The following COL6A5 variants were observed in gnomAD, a reference collection of about 807,000 sequenced individuals.
COL6A5 encodes collagen alpha-5(VI) chain.
Under a neutral mutation model 65.6 loss-of-function variants are expected in COL6A5, and 48 were observed. The ratio of observed to expected loss-of-function variants is 0.73; its 90% CI spans 0.58 to 0.93. COL6A5 has a LOEUF of 0.93. COL6A5 is among the 40% of genes least tolerant of loss of function. The probability of loss-of-function intolerance (pLI) is 0.00; values close to 1 mark genes in which losing one functional copy is unlikely to be tolerated. For synonymous variants in COL6A5, 291 were observed against 322.8 expected, an observed-to-expected ratio of 0.90 and a Z score of 1.05; for missense variants, 914 against 928.3, an observed-to-expected ratio of 0.98 and a Z score of 0.20.
intron 1 of COL6A5, among the ~76,000 whole-genome samples, chr3:130,351,201 A>G (rs1934691735): frequency 6.6e-6 from 1 of 152,268 alleles, no homozygotes. Context: ...ACCTGAAACC[A>G]TAAGATCCCT....
intron 1 of COL6A5, among the ~76,000 whole-genome samples, chr3:130,359,990 TTA>T (rs1469127869): frequency 2.0e-5 from 3 of 152,078 alleles, no homozygotes; most frequent in African/African-American, 7.2e-5. Context: ...TGACCGTTTG[TTA>T]TGGGGGAATG....
chr3:130,390,828 T>C (rs1275915799), intron 6 of COL6A5, among the ~76,000 whole-genome samples: 1 of 152,220 alleles, frequency 6.6e-6, no homozygotes, highest in African/African-American at 2.4e-5. Flanking sequence ...TACATTGGCA[T>C]GGAACTAGCT....
intron 22 of COL6A5, among the ~76,000 whole-genome samples, chr3:130,414,747 A>G (rs182933077): frequency 1.3e-5 from 2 of 152,198 alleles, no homozygotes; most frequent in East Asian, 3.9e-4. Context: ...CCCACTTTAC[A>G]TGAAGCCCAC....
At chr3:130,430,628 T>A (rs865882359), upstream of COL6A5, among the ~76,000 whole-genome samples, 1 of 152,234 alleles carries the variant, frequency 6.6e-6, no homozygotes, top group African/African-American at 2.4e-5. Context: ...ACATGAGTAT[T>A]GAGCTAGGAA....
At chr3:130,426,310 T>C in intron 30 of COL6A5, 57 bp from the exon 31 acceptor site, 1 of 1,543,614 alleles carries the variant, frequency 6.5e-7, no homozygotes, top group Non-Finnish European at 8.8e-7. Context: ...TAAACACAGT[T>C]ACTCAAAAGT....
chr3:130,415,056 A>C (rs1559889793), intron 22 of COL6A5, among the ~76,000 whole-genome samples: 1 of 152,084 alleles, frequency 6.6e-6, no homozygotes, highest in Non-Finnish European at 1.5e-5. Context: ...ACAGTGAATC[A>C]AGGCTCACCT....
intron 11 of COL6A5, 51 bp from the exon 12 acceptor site, chr3:130,401,711 A>G (rs1936822018): frequency 7.5e-7 from 1 of 1,337,778 alleles, no homozygotes; most frequent in African/African-American, 1.5e-5. Flanking sequence ...TTCTTATGGA[A>G]TAAAGTTTCT....
chr3:130,461,459 C>T (rs1018132761), intron 5 of COL6A5, among the ~76,000 whole-genome samples: 3 of 152,102 alleles, frequency 2.0e-5, no homozygotes, highest in African/African-American at 7.2e-5. Flanking sequence ...TAAATTAAAT[C>T]TATCATTATT....
chr3:130,418,451 A>G (rs757425012), intron 24 of COL6A5, among the ~76,000 whole-genome samples: 3 of 152,058 alleles, frequency 2.0e-5, no homozygotes, highest in Non-Finnish European at 2.9e-5. Flanking sequence ...CTTCCATAGC[A>G]CCCTGAACCT....
intron 1 of COL6A5, among the ~76,000 whole-genome samples, chr3:130,349,037 A>T (rs879370256): frequency 6.6e-6 from 1 of 152,084 alleles, no homozygotes; most frequent in East Asian, 1.9e-4. Flanking sequence ...CAGATTTCTA[A>T]TTGCCTACCC....
chr3:130,376,831 T>C (rs773758829), exon 3 of COL6A5: 3 of 1,609,096 alleles, frequency 1.9e-6, no homozygotes, highest in South Asian at 1.1e-5. Context: ...GATGCTGATA[T>C]GCAAGGTAAG....
chr3:130,461,775 T>A (rs819077), intron 5 of COL6A5, among the ~76,000 whole-genome samples: 18,591 of 145,568 alleles, frequency 0.13, 1,411 homozygotes, highest in East Asian at 0.3. Context: ...TTTTTTTTTT[T>A]AAAAAAAACC....
chr3:130,385,708 C>T lies in COL6A5; in HGVS notation c.1861+344C>T, dbSNP rs372838568. On this transcript the variant is annotated intron_variant and NMD_transcript_variant, in intron 5 of 41. Transcript: ENST00000312481. ...ATGTATGTGCATACACAAATAAGTA[C>T]GGGGGAAGTACAGTGTTTGTGTGTG... Among the ~76,000 whole-genome samples the T allele has an allele frequency of 1.7e-4, 26 of 151,830 alleles. 1 individual carries two copies. In the South Asian group the frequency reaches 2.3e-3, roughly 13 times the overall value.
intron 1 of COL6A5, among the ~76,000 whole-genome samples, chr3:130,365,437 C>G (rs547522657): frequency 2.6e-5 from 4 of 152,254 alleles, no homozygotes; most frequent in African/African-American, 9.6e-5. Flanking sequence ...GCTACTACGC[C>G]CGGCTAATTT....
chr3:130,360,061 T>C (rs976553346), intron 1 of COL6A5, among the ~76,000 whole-genome samples: 4 of 152,052 alleles, frequency 2.6e-5, no homozygotes, highest in African/African-American at 9.7e-5. Flanking sequence ...CCAATATTTA[T>C]ATTAAATCAT....
intron 7 of COL6A5, chr3:130,477,413 G>A (rs1257500077): frequency 5.0e-6 from 1 of 201,834 alleles, no homozygotes; most frequent in East Asian, 1.1e-4. Context: ...CTGTCCATTT[G>A]TTTGAAATTT....
exon 3 of COL6A5, chr3:130,440,559 C>G (rs899377173): frequency 1.2e-6 from 2 of 1,613,446 alleles, no homozygotes; most frequent in African/African-American, 1.3e-5. Flanking sequence ...CCAGAAACAC[C>G]CTATCTAAGA....
At chr3:130,427,655 G>A (rs968108526), upstream of COL6A5, among the ~76,000 whole-genome samples, 2 of 152,144 alleles carry the variant, frequency 1.3e-5, no homozygotes, top group African/African-American at 4.8e-5. Flanking sequence ...AGATGTTGAA[G>A]TCATTCAGTG....
At chr3:130,442,904 T>G (rs1709218365) in intron 3 of COL6A5, among the ~76,000 whole-genome samples, 1 of 152,230 alleles carries the variant, frequency 6.6e-6, no homozygotes, top group Non-Finnish European at 1.5e-5. Flanking sequence ...CTAAAATCTT[T>G]TATTTTCCAG....
Sources: gnomAD v4.1 joint callset for allele counts (sites outside exome capture counted in the v4.1 genomes callset) on GRCh38, gnomAD v4.1.1 for gene constraint, MANE v1.5 for transcripts, NCBI Gene and HGNC (gene_info 2026-07-23, HGNC 2026-07-21) for gene names.